ACTR3C: variants seen among roughly 807,000 people sequenced by gnomAD.
ACTR3C encodes actin related protein 3C.
In ACTR3C, 18 loss-of-function variants were observed where a neutral mutation model predicts 26.3. The ratio of observed to expected loss-of-function variants is 0.68; its 90% CI spans 0.47 to 1.01. ACTR3C has a LOEUF of 1.01. Ranked by LOEUF, ACTR3C falls within the 50% of genes least tolerant of loss-of-function variation. The probability of loss-of-function intolerance (pLI) is 0.00; values close to 1 mark genes in which losing one functional copy is unlikely to be tolerated. For missense variants in ACTR3C, 184 were observed against 250.7 expected (o/e 0.73, Z 1.80); for synonymous variants, 55 against 94.5 (o/e 0.58, Z 2.42).
the ACTR3C span, among the ~76,000 whole-genome samples, chr7:150,171,415 A>T: frequency 4.0e-5 from 6 of 150,942 alleles, 1 homozygote; most frequent in African/African-American, 1.5e-4. Context: ...GAAGAAATTT[A>T]AAAACTATAA....
chr7:150,032,713 A>T, the ACTR3C span, among the ~76,000 whole-genome samples: 910 of 152,018 alleles, frequency 6.0e-3, 10 homozygotes, highest in African/African-American at 0.021. Context: ...GATAAGAGTG[A>T]AGTCCCACAG....
chr7:150,002,408 C>G, the ACTR3C span: 19 of 152,328 alleles, frequency 1.2e-4, no homozygotes, highest in African/African-American at 4.3e-4. Context: ...CACCAAATCA[C>G]ACAGACGTGG....
At chr7:150,178,753 AATTTT>A in the ACTR3C span, among the ~76,000 whole-genome samples, 1 of 150,880 alleles carries the variant, frequency 6.6e-6, no homozygotes, top group Admixed American at 6.6e-5. Context: ...TCGATTGTGT[AATTTT>A]ATTTTATGTT....
the ACTR3C span, among the ~76,000 whole-genome samples, chr7:150,059,684 T>G: frequency 6.6e-6 from 1 of 152,204 alleles, no homozygotes; most frequent in Non-Finnish European, 1.5e-5. Flanking sequence ...ATCTGCACTT[T>G]ATATTTAGGT....
the ACTR3C span, among the ~76,000 whole-genome samples, chr7:150,232,116 G>A: frequency 2.0e-5 from 3 of 152,274 alleles, no homozygotes; most frequent in East Asian, 1.9e-4. Flanking sequence ...TTATCGTTAT[G>A]TAATGCACCT....
At chr7:149,886,786 T>A in the ACTR3C span, among the ~76,000 whole-genome samples, 2 of 151,990 alleles carry the variant, frequency 1.3e-5, no homozygotes, top group Admixed American at 1.3e-4. Flanking sequence ...TGAAACCCTG[T>A]CTCCACTAAA....
intron 4 of ACTR3C, among the ~76,000 whole-genome samples, chr7:150,286,742 G>T (rs1204992431): frequency 6.6e-6 from 1 of 151,320 alleles, no homozygotes; most frequent in Non-Finnish European, 1.5e-5. Context: ...CTTCGGACAG[G>T]TAAGTCTGCT....
the ACTR3C span, among the ~76,000 whole-genome samples, chr7:149,941,169 G>A: frequency 0.032 from 4,927 of 152,308 alleles, 250 homozygotes; most frequent in African/African-American, 0.11. Flanking sequence ...TCTGAGAGAA[G>A]GGATGTCTTC....
At chr7:150,203,320 A>G in the ACTR3C span, among the ~76,000 whole-genome samples, 4 of 152,236 alleles carry the variant, frequency 2.6e-5, no homozygotes, top group African/African-American at 9.6e-5. Context: ...ATGAGCACAC[A>G]AGCAATTGCA....
the ACTR3C span, among the ~76,000 whole-genome samples, chr7:150,075,027 CCTT>C: frequency 7.8e-6 from 1 of 128,496 alleles, no homozygotes; most frequent in African/African-American, 3.0e-5. Context: ...AATTCCCTAA[CCTT>C]CTATCGTGTT....
chr7:150,038,010 C>G, the ACTR3C span, among the ~76,000 whole-genome samples: 427 of 137,502 alleles, frequency 3.1e-3, 62 homozygotes, highest in African/African-American at 0.011. Flanking sequence ...GAATTGCCTC[C>G]CCCCCTGCTA....
the ACTR3C span, among the ~76,000 whole-genome samples, chr7:150,150,577 T>C: frequency 7.2e-6 from 1 of 139,026 alleles, no homozygotes; most frequent in Non-Finnish European, 1.6e-5. Context: ...ATATGTTTGT[T>C]AATGTGATCC....
At chr7:149,902,820 G>C in the ACTR3C span, among the ~76,000 whole-genome samples, 1 of 94,548 alleles carries the variant, frequency 1.1e-5, no homozygotes, top group Non-Finnish European at 2.5e-5. Context: ...TGGCTCCCAC[G>C]TGTGGTCCCA....
chr7:149,931,014 C>T, the ACTR3C span, among the ~76,000 whole-genome samples: 5 of 144,960 alleles, frequency 3.4e-5, no homozygotes, highest in East Asian at 2.0e-4. Flanking sequence ...TACAGGCACC[C>T]GCCACCATGC....
the ACTR3C span, among the ~76,000 whole-genome samples, chr7:149,933,340 C>T: frequency 0.04 from 6,076 of 151,200 alleles, 160 homozygotes; most frequent in Non-Finnish European, 0.056. Flanking sequence ...CTTATTGATA[C>T]ATCTGCCTCA....
the ACTR3C span, among the ~76,000 whole-genome samples, chr7:149,915,506 G>A: frequency 9.3e-6 from 1 of 107,934 alleles, no homozygotes; most frequent in African/African-American, 3.4e-5. Context: ...TACACAGGAA[G>A]AGTCCATTTT....
At chr7:150,082,951 T>TTC in the ACTR3C span, among the ~76,000 whole-genome samples, 4 of 140,522 alleles carry the variant, frequency 2.8e-5, no homozygotes, top group African/African-American at 8.3e-5. Context: ...TTTTTTCTTT[T>TTC]TTTTTTTTTT....
intron 6 of ACTR3C, among the ~76,000 whole-genome samples, chr7:150,273,707 C>A (rs958263692): frequency 6.6e-6 from 1 of 151,386 alleles, no homozygotes; most frequent in African/African-American, 2.4e-5. Flanking sequence ...AAAGTCAAAC[C>A]CCCCAGACAG....
At chr7:150,046,356 C>CCCCCG in the ACTR3C span, among the ~76,000 whole-genome samples, 1 of 80,306 alleles carries the variant, frequency 1.2e-5, no homozygotes, top group African/African-American at 3.8e-5. Flanking sequence ...CGCCCCCCCC[C>CCCCCG]CCCCGACCCA....
Sources: gnomAD v4.1 joint callset for allele counts (sites outside exome capture counted in the v4.1 genomes callset) on GRCh38, gnomAD v4.1.1 for gene constraint, MANE v1.5 for transcripts, NCBI Gene and HGNC (gene_info 2026-07-23, HGNC 2026-07-21) for gene names.